Variants in ATP8A2 observed in about 807,000 individuals in gnomAD.
ATP8A2 encodes the protein ATPase phospholipid transporting 8A2, also known as phospholipid-transporting ATPase IB.
A neutral mutation model predicts 165.6 loss-of-function variants in ATP8A2; 100 were observed. That is an observed-to-expected ratio of 0.60 (90% CI 0.51 to 0.71). The LOEUF (loss-of-function observed/expected upper bound fraction) is 0.71, where lower values mean the gene tolerates loss of function less well. ATP8A2 is among the 30% of genes least tolerant of loss of function. ATP8A2 has a pLI of 0.00. For missense variants in ATP8A2, 1,227 were observed against 1,479.5 expected (o/e 0.83, Z 2.80); for synonymous variants, 543 against 548.8 (o/e 0.99, Z 0.15).
chr13:25,503,100 G>A (rs1194477353), intron 2 of ATP8A2, among the ~76,000 whole-genome samples: 5 of 152,072 alleles, frequency 3.3e-5, no homozygotes, highest in African/African-American at 1.2e-4. Flanking sequence ...GGGTGGAAAC[G>A]CCTCTCTGAT....
chr13:26,019,938 G>A lies in ATP8A2; in HGVS notation c.3520G>A (p.Val1174Ile). 2 of 1,614,164 alleles carry A rather than the reference G, an allele frequency of 1.2e-6. No homozygotes were observed. The highest frequency in any genetic ancestry group is 1.7e-6 in the Non-Finnish European group (2 of 1,179,982). Reference sequence around the variant, plus strand: ...ACACGGAGCTGTTAGTCAGGAAGAAGTCATCCGTGCTTATGACACCACCAA... The same window carrying A: ...ACACGGAGCTGTTAGTCAGGAAGAAATCATCCGTGCTTATGACACCACCAA... The part of the protein sequence containing the change: ...EEHGAVSQEE[V>I]IRAYDTTKKK... Residue 1174 changes from valine (V) to isoleucine (I), a missense_variant, in exon 37 of 37, where the codon GTC becomes ATC. This residue lies in a region of ATP8A2 where 15 missense variants were observed against 37.1 expected (regional missense o/e 0.40). Coordinates refer to ENST00000381655, the MANE Select transcript of ATP8A2 (RefSeq NM_016529.6).
chr13:25,687,267 A>G (rs28688067), intron 24 of ATP8A2, among the ~76,000 whole-genome samples: 18,350 of 152,270 alleles, frequency 0.12, 1,231 homozygotes, highest in East Asian at 0.26. Flanking sequence ...CAGTGGGAGC[A>G]GTAAGGAAAT....
At chr13:25,625,857 T>A (rs2041087089) in intron 24 of ATP8A2, among the ~76,000 whole-genome samples, 1 of 152,184 alleles carries the variant, frequency 6.6e-6, no homozygotes, top group Non-Finnish European at 1.5e-5. Context: ...TGTGTTCCCA[T>A]TTTACGGATG....
intron 24 of ATP8A2, among the ~76,000 whole-genome samples, chr13:25,622,735 C>T (rs537591625): frequency 1.3e-5 from 2 of 152,254 alleles, no homozygotes; most frequent in African/African-American, 4.8e-5. Context: ...CTCTTAGCTC[C>T]CTTTAGCTGA....
At chr13:25,477,391 C>T (rs563062098) in intron 2 of ATP8A2, among the ~76,000 whole-genome samples, 5 of 152,274 alleles carry the variant, frequency 3.3e-5, no homozygotes, top group Middle Eastern at 3.4e-3. Context: ...TAAAACTCAA[C>T]CAGAATTGGA....
At position 25,750,998 on chromosome 13, in the gene ATP8A2, C is replaced by T. The variant is rs1174327205; in HGVS notation, c.2385-18048C>T. 2.0e-5 allele frequency among the ~76,000 whole-genome samples: 3 copies of T among 152,118 alleles called. No homozygotes were observed. Among genetic ancestry groups the T allele is most frequent in the South Asian group, 4.1e-4 (2 of 4,830 alleles). On this transcript the variant is annotated intron_variant, in intron 25 of 36. Transcript: ENST00000381655. The surrounding 1 kb of genome is among the most constrained non-coding windows in gnomAD (Gnocchi z 4.3). ...AGCTTGGGAGTCTCAATGACAAAGG[C>T]GCCCGTGGGCTCACAGCTAGTACTG... is the stretch of plus-strand genomic sequence containing the variant.
At chr13:25,587,924 T>C (rs1013981138) in intron 23 of ATP8A2, among the ~76,000 whole-genome samples, 4 of 152,192 alleles carry the variant, frequency 2.6e-5, no homozygotes, top group African/African-American at 7.2e-5. Context: ...CTTGAACTAG[T>C]TTGTAAATGT....
At chr13:25,748,679 T>C (rs892929375) in intron 25 of ATP8A2, among the ~76,000 whole-genome samples, 4 of 152,218 alleles carry the variant, frequency 2.6e-5, no homozygotes, top group African/African-American at 9.6e-5. Flanking sequence ...TTTAGATGTT[T>C]CTGCTTCAGG....
chr13:25,603,339 A>C (rs191331741), intron 24 of ATP8A2, among the ~76,000 whole-genome samples: 1 of 151,852 alleles, frequency 6.6e-6, no homozygotes, highest in Non-Finnish European at 1.5e-5. Flanking sequence ...AATACAAAAA[A>C]AATTTAGCCA....
intron 35 of ATP8A2, among the ~76,000 whole-genome samples, chr13:26,004,908 T>C (rs1006194594): frequency 6.6e-6 from 1 of 150,452 alleles, no homozygotes; most frequent in Admixed American, 6.7e-5. Flanking sequence ...TTGAGGATTT[T>C]TGTATATATA....
At position 25,395,532 on chromosome 13, in the gene ATP8A2, A is replaced by G. The variant is rs7330045; in HGVS notation, c.76+23244A>G. Among the ~76,000 whole-genome samples the G allele has an allele frequency of 8.5e-3, 1,293 of 152,270 alleles. 22 individuals are homozygous for G. Among genetic ancestry groups the G allele is most frequent in the African/African-American group, 0.029 (1,213 of 41,542 alleles). On this transcript the variant is annotated intron_variant, in intron 1 of 36. Transcript: ENST00000381655. ...ACCAAAAGATAAAGGAAAATTGTCCATTTTTATGCTTAGGTTTAACAAAGT... is the reference window on the plus strand; with the variant it reads ...ACCAAAAGATAAAGGAAAATTGTCCGTTTTTATGCTTAGGTTTAACAAAGT...
At chr13:25,530,717 T>G in intron 4 of ATP8A2, 57 bp downstream of exon 4, 15 of 1,075,448 alleles carry the variant, frequency 1.4e-5, no homozygotes, top group Non-Finnish European at 1.9e-5. Context: ...ATAACTTATG[T>G]GTTGCCTCGG....
intron 15 of ATP8A2, among the ~76,000 whole-genome samples, chr13:25,563,535 C>T (rs9581392): frequency 0.054 from 8,226 of 152,148 alleles, 298 homozygotes; most frequent in South Asian, 0.13. Flanking sequence ...GTTGTCTTCC[C>T]TCTCCTACAT....
intron 24 of ATP8A2, among the ~76,000 whole-genome samples, chr13:25,685,798 G>A (rs73171938): frequency 0.074 from 11,297 of 152,252 alleles, 522 homozygotes; most frequent in Non-Finnish European, 0.11. Flanking sequence ...AGAAGCTTTG[G>A]AGGACTTTGA....
chr13:25,594,477 T>C (rs1267786147), intron 24 of ATP8A2, among the ~76,000 whole-genome samples: 2 of 152,190 alleles, frequency 1.3e-5, no homozygotes, highest in Non-Finnish European at 2.9e-5. Flanking sequence ...TTTGGTTACA[T>C]GAGTCAGTTC....
At chr13:25,430,508 T>G (rs1479662346) in intron 1 of ATP8A2, among the ~76,000 whole-genome samples, 2 of 152,206 alleles carry the variant, frequency 1.3e-5, no homozygotes, top group African/African-American at 4.8e-5. Context: ...AAGGCCACTG[T>G]AGTCGACTGA....
At chr13:25,382,912 T>A (rs544129113) in intron 1 of ATP8A2, among the ~76,000 whole-genome samples, 2 of 151,422 alleles carry the variant, frequency 1.3e-5, no homozygotes, top group African/African-American at 4.9e-5. Context: ...CCCGCCACCA[T>A]GCCCAGCTAA....
At chr13:25,993,135 G>A (rs1378359309) in intron 35 of ATP8A2, among the ~76,000 whole-genome samples, 1 of 151,756 alleles carries the variant, frequency 6.6e-6, no homozygotes, top group African/African-American at 2.4e-5. Flanking sequence ...TGTGAATAAT[G>A]CCTCAATAAA....
intron 15 of ATP8A2, 78 bp downstream of exon 15, chr13:25,559,843 T>G (rs2039089324): frequency 2.7e-6 from 3 of 1,130,002 alleles, no homozygotes; most frequent in Admixed American, 3.5e-5. Context: ...TCATTTACAT[T>G]TTTAGAGACA....
Sources: gnomAD v4.1 joint callset for allele counts (sites outside exome capture counted in the v4.1 genomes callset) on GRCh38, gnomAD v4.1.1 for gene constraint, gnomAD v4.1.1 regional missense constraint, Gnocchi (gnomAD v3.1) non-coding constraint, MANE v1.5 for transcripts, NCBI Gene and HGNC (gene_info 2026-07-23, HGNC 2026-07-21) for gene names.